Variants in AKAP13 observed in about 807,000 individuals in gnomAD.
The protein encoded by AKAP13 is A-kinase anchor protein 13.
AKAP13 carries 80 observed loss-of-function variants against 264.5 expected under a neutral mutation model. The ratio of observed to expected loss-of-function variants is 0.30; its 90% CI spans 0.25 to 0.36. The LOEUF (loss-of-function observed/expected upper bound fraction) is 0.36. Among genes scored for constraint, AKAP13 ranks in the 10% least tolerant of loss-of-function variants. The probability of loss-of-function intolerance (pLI) is 1.00; values close to 1 mark genes in which losing one functional copy is unlikely to be tolerated. For missense variants in AKAP13, 3,712 were observed against 3,435.2 expected, an observed-to-expected ratio of 1.08 and a Z score of -2.01; for synonymous variants, 1,380 against 1,250.2, an observed-to-expected ratio of 1.10 and a Z score of -2.19.
At chr15:85,736,421 TTTTGTTTGTTTG>T (rs145901490) in intron 33 of AKAP13, among the ~76,000 whole-genome samples, 17 of 143,580 alleles carry the variant, frequency 1.2e-4, no homozygotes, top group South Asian at 8.8e-4. Context: ...CTTGCTGTTT[TTTTGTTTGTTTG>T]TTTGTTTGTT....
intron 2 of AKAP13, among the ~76,000 whole-genome samples, chr15:85,501,602 A>G (rs1295119669): frequency 6.6e-6 from 1 of 152,202 alleles, no homozygotes; most frequent in Non-Finnish European, 1.5e-5. Context: ...ACTATGCTAT[A>G]TGTCCTACAT....
intron 1 of AKAP13, among the ~76,000 whole-genome samples, chr15:85,409,416 G>C (rs897695428): frequency 6.6e-6 from 1 of 151,612 alleles, no homozygotes; most frequent in Non-Finnish European, 1.5e-5. Flanking sequence ...GACCTCAGGT[G>C]ATCTGCCTGC....
intron 17 of AKAP13, among the ~76,000 whole-genome samples, chr15:85,704,016 A>T (rs534388464): frequency 2.6e-5 from 4 of 151,834 alleles, no homozygotes; most frequent in South Asian, 2.1e-4. Flanking sequence ...TTTTATTTTC[A>T]TTTTCTTGGT....
At chr15:85,471,234 G>A (rs922553562) in intron 1 of AKAP13, among the ~76,000 whole-genome samples, 1 of 152,182 alleles carries the variant, frequency 6.6e-6, no homozygotes, top group Non-Finnish European at 1.5e-5. Flanking sequence ...GGTGGCTCAC[G>A]TCTGTAATCC....
At chr15:85,597,708 G>A (rs1424155617) in intron 8 of AKAP13, among the ~76,000 whole-genome samples, 1 of 152,082 alleles carries the variant, frequency 6.6e-6, no homozygotes, top group East Asian at 1.9e-4. Flanking sequence ...GGGTGATCTG[G>A]GTAGACTGAG....
chr15:85,489,433 AT>A (rs373040247), intron 2 of AKAP13, among the ~76,000 whole-genome samples: 97 of 152,310 alleles, frequency 6.4e-4, no homozygotes, highest in African/African-American at 2.3e-3. Context: ...GTAACAGTGT[AT>A]TGGATTCTCA....
At chr15:85,610,835 C>T (rs1353896421) in intron 8 of AKAP13, among the ~76,000 whole-genome samples, 5 of 152,068 alleles carry the variant, frequency 3.3e-5, no homozygotes, top group Non-Finnish European at 7.4e-5. Flanking sequence ...AAAAATTAGC[C>T]GGGCGTGGTG....
chr15:85,426,016 G>C (rs888422638), intron 1 of AKAP13, among the ~76,000 whole-genome samples: 1 of 152,106 alleles, frequency 6.6e-6, no homozygotes. Flanking sequence ...GAAGATTCTT[G>C]TGAAAAAGAA....
chr15:85,538,447 T>C (rs1293882337), intron 4 of AKAP13, among the ~76,000 whole-genome samples: 1 of 152,136 alleles, frequency 6.6e-6, no homozygotes, highest in Non-Finnish European at 1.5e-5. Context: ...CATTTGATGA[T>C]TCAGTTCCCA....
At chr15:85,729,952 A>C (rs1398677472) in intron 29 of AKAP13, among the ~76,000 whole-genome samples, 1 of 150,814 alleles carries the variant, frequency 6.6e-6, no homozygotes, top group African/African-American at 2.4e-5. Context: ...GTCTCAAAAA[A>C]CAAAAACAAA....
intron 5 of AKAP13, among the ~76,000 whole-genome samples, chr15:85,546,426 C>T (rs1051271498): frequency 4.0e-5 from 6 of 151,006 alleles, no homozygotes; most frequent in African/African-American, 9.7e-5. Context: ...ATTCATATAA[C>T]GGAATACTAC....
intron 8 of AKAP13, among the ~76,000 whole-genome samples, chr15:85,626,901 G>A (rs76389900): frequency 4.6e-5 from 7 of 151,826 alleles, no homozygotes; most frequent in East Asian, 3.9e-4. Context: ...ACACATCCTC[G>A]CCAACACTTA....
chr15:85,605,747 C>T (rs567907996), intron 8 of AKAP13, among the ~76,000 whole-genome samples: 1 of 152,094 alleles, frequency 6.6e-6, no homozygotes, highest in Non-Finnish European at 1.5e-5. Flanking sequence ...TTTTATGGAA[C>T]CCACCCAAAC....
At chr15:85,517,964 C>G (rs891275598) in intron 2 of AKAP13, among the ~76,000 whole-genome samples, 2 of 152,160 alleles carry the variant, frequency 1.3e-5, no homozygotes, top group Non-Finnish European at 2.9e-5. Flanking sequence ...TAGGTGTGTA[C>G]TCTTCCTGAG....
At position 85,718,933 on chromosome 15, in the gene AKAP13, C is replaced by CTTT. The variant is rs1356043691; in HGVS notation, c.6002-141_6002-139dup. The stretch of plus-strand genomic sequence containing the variant: ...ACAAAAAAACAAAAAAACGAGAACA[C>CTTT]TTTTAGGGGAAAGATAGCTGTTGAC... On this transcript the variant is annotated intron_variant, in intron 22 of 36. Coordinates refer to ENST00000394518, the MANE Select transcript of AKAP13 (RefSeq NM_007200.5). This position sits in a 1 kb window ranked among gnomAD's most constrained non-coding sequence, Gnocchi z 4.9. 5.9e-6 allele frequency: 7 copies of CTTT among 1,180,498 alleles called. No individual in the cohort carries two copies. Among genetic ancestry groups the CTTT allele is most frequent in the Non-Finnish European group, 5.9e-6 (5 of 850,442 alleles). The allele number at this position is 1,180,498 out of a possible 1,614,324, so 73.1% of individuals were successfully genotyped here. A position where few individuals can be genotyped will look rare whatever the true frequency, so the allele number is the denominator to read the frequency against.
In AKAP13 at chr15:85,745,035, A is replaced by C. The variant is rs369910693; in HGVS notation, c.*358A>C. On this transcript the variant is annotated 3_prime_UTR_variant, in exon 37 of 37. Coordinates refer to ENST00000394518, the MANE Select transcript of AKAP13 (RefSeq NM_007200.5). ...TATCCAAGTAAGGTCTGAACCTCCGAATGCCTTTTATTTGGGGGAACACAA... is the reference window on the plus strand; with the variant it reads ...TATCCAAGTAAGGTCTGAACCTCCGCATGCCTTTTATTTGGGGGAACACAA... 7.4e-5 allele frequency: 15 copies of C among 203,092 alleles called. No individual in the cohort carries two copies. In the East Asian group the frequency reaches 1.5e-3, roughly 20 times the overall value. 12.6% of individuals were successfully genotyped at this position (203,092 alleles called of 1,614,324 possible).
intron 35 of AKAP13, among the ~76,000 whole-genome samples, chr15:85,741,739 A>AAAC (rs2089010683): frequency 6.7e-6 from 1 of 149,400 alleles, no homozygotes; most frequent in South Asian, 2.1e-4. Context: ...CAAAAAAAAA[A>AAAC]AACAGTTTTT....
chr15:85,745,106 G>C lies in AKAP13; in HGVS notation c.*429G>C, dbSNP rs542511032. 6.3e-6 allele frequency: 1 copy of C among 159,046 alleles called. No individual in the cohort carries two copies. The highest frequency in any genetic ancestry group is 1.4e-5 in the Non-Finnish European group (1 of 71,788). The allele number at this position is 159,046 out of a possible 1,614,324, so 9.9% of individuals were successfully genotyped here. A position where few individuals can be genotyped will look rare whatever the true frequency, so the allele number is the denominator to read the frequency against. ...GGACTTGATCTGTGTACGTACATGG[G>C]GACCTGTCTGCATATACACACGGGG... On this transcript the variant is annotated 3_prime_UTR_variant, in exon 37 of 37. Transcript: ENST00000394518.
intron 1 of AKAP13, among the ~76,000 whole-genome samples, chr15:85,392,451 C>T (rs2070913528): frequency 6.6e-6 from 1 of 152,000 alleles, no homozygotes. Context: ...GACAGGGTTT[C>T]ACCATGTTGG....
Sources: allele counts gnomAD v4.1 joint callset (sites outside exome capture counted in the v4.1 genomes callset), GRCh38; gene constraint gnomAD v4.1.1; non-coding constraint Gnocchi (gnomAD v3.1); transcripts MANE v1.5; gene names NCBI Gene and HGNC (gene_info 2026-07-23, HGNC 2026-07-21).